Variants in C18orf63 observed in about 807,000 individuals in gnomAD.
C18orf63 encodes the protein chromosome 18 open reading frame 63, also known as uncharacterized protein C18orf63.
A neutral mutation model predicts 75.3 loss-of-function variants in C18orf63; 50 were observed. The ratio of observed to expected loss-of-function variants is 0.66; its 90% CI spans 0.53 to 0.84. The LOEUF (loss-of-function observed/expected upper bound fraction) is 0.84. C18orf63 is among the 40% of genes least tolerant of loss of function. The pLI is 0.00. For missense variants in C18orf63, 732 were observed against 800.2 expected (o/e 0.91, Z 1.03); for synonymous variants, 232 against 267.6 (o/e 0.87, Z 1.30).
intron 4 of C18orf63, 99 bp from the exon 5 acceptor site, chr18:74,327,847 TG>T: frequency 1.4e-6 from 1 of 690,550 alleles, no homozygotes; most frequent in South Asian, 1.8e-5. Context: ...CACCCGAGTT[TG>T]TTGGGTGGTG....
At chr18:74,322,962 T>A (rs984560745) in intron 4 of C18orf63, among the ~76,000 whole-genome samples, 1 of 152,226 alleles carries the variant, frequency 6.6e-6, no homozygotes, top group Non-Finnish European at 1.5e-5. Context: ...GATGCTTTAT[T>A]TCAGGCATTT....
chr18:74,328,137 T>C, intron 5 of C18orf63, 79 bp downstream of exon 5: 1 of 844,676 alleles, frequency 1.2e-6, no homozygotes, highest in East Asian at 2.7e-5. Flanking sequence ...ATTCTCATGC[T>C]GCTAATAAAG....
rs1470151024 is a variant in C18orf63, at chr18:74,324,471, A to G, written c.270+1717A>G. Among the ~76,000 whole-genome samples the G allele has an allele frequency of 3.9e-5, 6 of 152,214 alleles. No individual in the cohort carries two copies. In the South Asian group the frequency reaches 6.2e-4, roughly 16 times the overall value. On this transcript the variant is annotated intron_variant, in intron 4 of 13. Transcript: ENST00000579455. Reference sequence around the variant, plus strand: ...TAGGAACTTTTATTTATATCAGCGTATAGTTTTAGCAATAGCCAAAACCAA... The same window carrying G: ...TAGGAACTTTTATTTATATCAGCGTGTAGTTTTAGCAATAGCCAAAACCAA...
At chr18:74,329,984 C>G (rs890465971) in intron 6 of C18orf63, among the ~76,000 whole-genome samples, 1 of 152,092 alleles carries the variant, frequency 6.6e-6, no homozygotes, top group Admixed American at 6.6e-5. Context: ...GTTGACTTTC[C>G]AGCTGAAGCC....
chr18:74,316,719 A>G (rs1984032627), intron 1 of C18orf63, among the ~76,000 whole-genome samples: 1 of 152,206 alleles, frequency 6.6e-6, no homozygotes, highest in Admixed American at 6.5e-5. Flanking sequence ...GCATCCGTAG[A>G]TCATAATAAG....
At chr18:74,335,862 C>T (rs758862671) in intron 7 of C18orf63, among the ~76,000 whole-genome samples, 2 of 152,076 alleles carry the variant, frequency 1.3e-5, no homozygotes, top group Non-Finnish European at 2.9e-5. Flanking sequence ...GGTTAATATT[C>T]ACATACCCAG....
Position 74,353,617 on chromosome 18 carries a change from C to T in C18orf63, c.1350C>T (p.Thr450=), listed in dbSNP as rs1984708255. The T allele has an allele frequency of 9.8e-6, 15 of 1,536,054 alleles. No individual in the cohort carries two copies. Among genetic ancestry groups the T allele is most frequent in the Non-Finnish European group, 1.2e-5 (14 of 1,146,904 alleles). ...GATTGTTACAAATGAACAAAAATACCTCAGTACTTGGCAGCCCAAAAAGAA... is the reference window on the plus strand; with the variant it reads ...GATTGTTACAAATGAACAAAAATACTTCAGTACTTGGCAGCCCAAAAAGAA... ...KNRLLQMNKN[T]SVLGSPKRKQ... is the part of the protein sequence containing the mutation. Residue 450 remains threonine, a synonymous_variant, in exon 12 of 14, where the codon ACC becomes ACT. Transcript: ENST00000579455.
intron 7 of C18orf63, among the ~76,000 whole-genome samples, chr18:74,335,958 G>T (rs1032470877): frequency 2.0e-5 from 3 of 152,008 alleles, no homozygotes; most frequent in Admixed American, 6.6e-5. Flanking sequence ...AGTTAATCTC[G>T]CAGAATCTCC....
chr18:74,322,241 A>G (rs1984136782), intron 3 of C18orf63, among the ~76,000 whole-genome samples: 1 of 152,190 alleles, frequency 6.6e-6, no homozygotes, highest in Admixed American at 6.5e-5. Flanking sequence ...CCATACCCTC[A>G]CGAACACTGT....
intron 9 of C18orf63, 40 bp downstream of exon 9, chr18:74,342,168 A>G (rs1984499572): frequency 7.0e-7 from 1 of 1,431,978 alleles, no homozygotes. Context: ...AAGTTATTTG[A>G]TTTTTGTTTA....
intron 4 of C18orf63, among the ~76,000 whole-genome samples, chr18:74,324,599 A>C (rs928924236): frequency 1.3e-5 from 2 of 152,246 alleles, no homozygotes; most frequent in African/African-American, 4.8e-5. Context: ...GATTTAATAA[A>C]GCAACATTTA....
At chr18:74,329,109 C>G (rs889708538) in intron 6 of C18orf63, 73 bp downstream of exon 6, 1 of 991,568 alleles carries the variant, frequency 1.0e-6, no homozygotes, top group African/African-American at 1.6e-5. Context: ...GTATCATATG[C>G]TGGGCACAGT....
chr18:74,327,956 C>G lies in C18orf63; in HGVS notation c.280C>G (p.Pro94Ala). ...VEKYGAKMEA[P>A]QRVIPVILQN... ...CATTTAATATTTTTAGATGGAGGCTCCACAAAGAGTAATTCCTGTAATTCT... is the reference window on the plus strand; with the variant it reads ...CATTTAATATTTTTAGATGGAGGCTGCACAAAGAGTAATTCCTGTAATTCT... Residue 94 changes from proline (P) to alanine (A), a missense_variant, in exon 5 of 14, where the codon CCA becomes GCA. By Grantham distance (27) the Pro-to-Ala change is conservative. This residue lies in a region of C18orf63 where 233 missense variants were observed against 272.7 expected (regional missense o/e 0.85). Transcript: ENST00000579455. 1 of 1,532,942 alleles carries G rather than the reference C, an allele frequency of 6.5e-7. No individual in the cohort carries two copies. Among genetic ancestry groups the G allele is most frequent in the Non-Finnish European group, 8.7e-7 (1 of 1,144,112 alleles). The allele number at this position is 1,532,942 out of a possible 1,614,324, so 95.0% of individuals were successfully genotyped here. A position where few individuals can be genotyped will look rare whatever the true frequency, so the allele number is the denominator to read the frequency against.
chr18:74,351,997 A>C (rs1984674028), intron 11 of C18orf63, among the ~76,000 whole-genome samples: 1 of 152,222 alleles, frequency 6.6e-6, no homozygotes, highest in African/African-American at 2.4e-5. Flanking sequence ...GTACTTTAAA[A>C]GACAATACTT....
chr18:74,355,835 T>C (rs1017448384), intron 13 of C18orf63, among the ~76,000 whole-genome samples: 8 of 152,150 alleles, frequency 5.3e-5, no homozygotes, highest in East Asian at 1.9e-4. Flanking sequence ...GAAGTGGAGA[T>C]TGCAGTGAGC....
intron 7 of C18orf63, among the ~76,000 whole-genome samples, chr18:74,331,426 A>G (rs1217009911): frequency 1.3e-5 from 2 of 152,238 alleles, no homozygotes; most frequent in African/African-American, 2.4e-5. Context: ...AGCACCTAGC[A>G]TAGAACCTTA....
intron 11 of C18orf63, among the ~76,000 whole-genome samples, chr18:74,351,152 G>A (rs890820138): frequency 3.9e-5 from 6 of 152,074 alleles, no homozygotes; most frequent in Admixed American, 6.6e-5. Flanking sequence ...TTTCAGCATC[G>A]CCCCCAAATC....
At position 74,315,895 on chromosome 18, in the gene C18orf63, A is replaced by G. The variant is rs8086587; in HGVS notation, c.-247A>G. On this transcript the variant is annotated 5_prime_UTR_variant, in exon 1 of 14. Transcript: ENST00000579455. Reference sequence around the variant, plus strand: ...CCGGGAGCGTCTCCTGAGGGCAGCGAGGAGGGAGCTGAGGCACGCGGGCTC... The same window carrying G: ...CCGGGAGCGTCTCCTGAGGGCAGCGGGGAGGGAGCTGAGGCACGCGGGCTC... 0.037 allele frequency: 5,667 copies of G among 152,422 alleles called. 366 individuals carry two copies. Among genetic ancestry groups the G allele is most frequent in the African/African-American group, 0.13 (5,335 of 41,450 alleles). 9.4% of individuals were successfully genotyped at this position (152,422 alleles called of 1,614,324 possible). A position where few individuals can be genotyped will look rare whatever the true frequency, so the allele number is the denominator to read the frequency against.
chr18:74,322,704 T>C lies in C18orf63; in HGVS notation c.220T>C (p.Phe74Leu). 1 of 1,317,870 alleles carries C rather than the reference T, an allele frequency of 7.6e-7. No homozygotes were observed. The highest frequency in any genetic ancestry group is 1.0e-6 in the Non-Finnish European group (1 of 969,262). The allele number at this position is 1,317,870 out of a possible 1,614,324, so 81.6% of individuals were successfully genotyped here. Reference sequence around the variant, plus strand: ...ATGTGGATTTTTGTTACAGATACCATTTTATAAAGCAAGAAAACTTAATGC... The same window carrying C: ...ATGTGGATTTTTGTTACAGATACCACTTTATAAAGCAAGAAAACTTAATGC... ...NQIWVVMAIP[F>L]YKARKLNAYV... The change falls in exon 4 of 14, where the codon TTT (phenylalanine) becomes CTT (leucine). Residue 74 changes from phenylalanine to leucine, a missense_variant. This residue lies in a region of C18orf63 where 233 missense variants were observed against 272.7 expected (regional missense o/e 0.85). Transcript: ENST00000579455.
Sources: gnomAD v4.1 joint callset for allele counts (sites outside exome capture counted in the v4.1 genomes callset) on GRCh38, gnomAD v4.1.1 for gene constraint, gnomAD v4.1.1 regional missense constraint, MANE v1.5 for transcripts, NCBI Gene and HGNC (gene_info 2026-07-23, HGNC 2026-07-21) for gene names.